Variants in HAL observed in about 807,000 individuals in gnomAD.
HAL encodes histidase.
A neutral mutation model predicts 81.1 loss-of-function variants in HAL; 85 were observed. That is an observed-to-expected ratio of 1.05 (90% CI 0.88 to 1.25). The LOEUF (loss-of-function observed/expected upper bound fraction) is 1.25, where lower values mean the gene tolerates loss of function less well. HAL is among the 50% of genes most tolerant of loss of function. The pLI is 0.00. For synonymous variants in HAL, 301 were observed against 309.2 expected, an observed-to-expected ratio of 0.97 and a Z score of 0.28; for missense variants, 798 against 836.6, an observed-to-expected ratio of 0.95 and a Z score of 0.57.
At chr12:95,983,396 C>CAA (rs35963926) in intron 15 of HAL, among the ~76,000 whole-genome samples, 18 of 147,564 alleles carry the variant, frequency 1.2e-4, no homozygotes, top group African/African-American at 4.2e-4. Flanking sequence ...TAAAAATAAA[C>CAA]AAAAAAAAAA....
chr12:95,976,014 C>T (rs923192657), intron 20 of HAL: 6 of 338,540 alleles, frequency 1.8e-5, no homozygotes, highest in South Asian at 9.8e-5. Context: ...AGTAAACACC[C>T]GGGCCTTGGT....
intron 9 of HAL, 125 bp from the exon 10 acceptor site, chr12:95,990,657 AGAT>A: frequency 1.3e-6 from 1 of 785,758 alleles, no homozygotes; most frequent in Non-Finnish European, 2.3e-6. Context: ...TTTATGGCAT[AGAT>A]ACCTGGGGAA....
At chr12:95,986,921 G>T in intron 12 of HAL, 146 bp downstream of exon 12, 1 of 720,124 alleles carries the variant, frequency 1.4e-6, no homozygotes, top group Non-Finnish European at 2.5e-6. Context: ...AGATGAAGAG[G>T]CAGCACACTG....
chr12:95,992,488 G>C (rs999197265), intron 9 of HAL, among the ~76,000 whole-genome samples, 192 bp downstream of exon 9: 1 of 152,156 alleles, frequency 6.6e-6, no homozygotes, highest in Non-Finnish European at 1.5e-5. Context: ...AAGTTCATAG[G>C]AGTAAGCATC....
At chr12:95,983,670 C>A in intron 15 of HAL, 1 of 561,118 alleles carries the variant, frequency 1.8e-6, no homozygotes, top group South Asian at 2.2e-5. Context: ...TGAATAGGTC[C>A]ATTTTGAAAG....
chr12:95,977,642 C>CAAAAAAAA lies in HAL; in HGVS notation c.1654+294_1654+301dup, dbSNP rs60410496. Among the ~76,000 whole-genome samples, 10 of 99,888 alleles carry CAAAAAAAA rather than the reference C, an allele frequency of 1.0e-4. 1 individual carries two copies. Among genetic ancestry groups the CAAAAAAAA allele is most frequent in the African/African-American group, 3.3e-4 (7 of 21,196 alleles). 65.5% of individuals were successfully genotyped at this position (99,888 alleles called of 152,430 possible). A position where few individuals can be genotyped will look rare whatever the true frequency, so the allele number is the denominator to read the frequency against. On this transcript the variant is annotated intron_variant, in intron 18 of 20. Coordinates refer to ENST00000261208, the MANE Select transcript of HAL (RefSeq NM_002108.4). Reference sequence around the variant, plus strand: ...TGGGTGGCAGATAGAGATCCTGCCTCAAAAAAAAAAAAAAAAAAAGAGAAA... The same window carrying CAAAAAAAA: ...TGGGTGGCAGATAGAGATCCTGCCTCAAAAAAAAAAAAAAAAAAAAAAAAAAAGAGAAA...
chr12:95,993,458 A>G lies in HAL; in HGVS notation c.582T>C (p.His194=). Residue 194 remains histidine (H), a synonymous_variant, in exon 8 of 21, where the codon CAT becomes CAC. Transcript: ENST00000261208. ...CCCAACGTTTTGACTTACCTGAAGA[A>G]TGTGAGCGTACTAAGTTGACCTGAA... ...QELQVNLVRS[H]SSGVGKPLSP... 1 of 1,602,742 alleles carries G rather than the reference A, an allele frequency of 6.2e-7. No individual in the cohort carries two copies. The highest frequency in any genetic ancestry group is 8.6e-7 in the Non-Finnish European group (1 of 1,169,566).
In HAL at chr12:95,977,935, C is replaced by T. The variant is rs1176843685; in HGVS notation, c.1654+9G>A. The T allele has an allele frequency of 6.2e-7, 1 of 1,614,034 alleles. No homozygotes were observed. The highest frequency in any genetic ancestry group is 8.5e-7 in the Non-Finnish European group (1 of 1,179,944). ...GGCAGGCCCGCCACCCCGAACTCATCAGCATTACCTTGCTCCACATGCTCG... is the reference window on the plus strand; with the variant it reads ...GGCAGGCCCGCCACCCCGAACTCATTAGCATTACCTTGCTCCACATGCTCG... On this transcript the variant is annotated intron_variant, in intron 18 of 20. Transcript: ENST00000261208.
intron 14 of HAL, among the ~76,000 whole-genome samples, chr12:95,985,419 C>T (rs927619890): frequency 2.6e-5 from 4 of 151,928 alleles, no homozygotes; most frequent in African/African-American, 4.8e-5. Context: ...CATGGTGAGA[C>T]CCCATCTCTA....
At chr12:95,990,262 A>T (rs1422698443) in intron 10 of HAL, 131 bp downstream of exon 10, 1 of 798,724 alleles carries the variant, frequency 1.3e-6, no homozygotes, top group East Asian at 2.4e-5. Context: ...TCGCTGTCTC[A>T]TCTGTAAAGT....
At position 95,994,840 on chromosome 12, in the gene HAL, A is replaced by G. The variant is rs2136830367; in HGVS notation, c.309-15T>C. The G allele has an allele frequency of 6.2e-7, 1 of 1,613,884 alleles. No homozygotes were observed. The highest frequency in any genetic ancestry group is 8.5e-7 in the Non-Finnish European group (1 of 1,179,796). Reference sequence around the variant, plus strand: ...ACTTGCTGTATCTGTATCCAGGTAAAGGAACATATAGGGTGGTGTGGAAAA... The same window carrying G: ...ACTTGCTGTATCTGTATCCAGGTAAGGGAACATATAGGGTGGTGTGGAAAA... On this transcript the variant is annotated splice_polypyrimidine_tract_variant and intron_variant, in intron 3 of 20. Transcript: ENST00000261208.
rs80092839 is a variant in HAL, at chr12:95,982,202, G to A, written c.1288-1339C>T. On this transcript the variant is annotated intron_variant, in intron 15 of 20. Transcript: ENST00000261208. The stretch of plus-strand genomic sequence containing the variant: ...TATCCAGCATGTGTGATGGGGCTCC[G>A]TATCTGCAACAGAAAATTGAGACAC... Among the ~76,000 whole-genome samples the A allele has an allele frequency of 1.0e-2, 1,522 of 152,256 alleles. 27 individuals carry two copies. The highest frequency in any genetic ancestry group is 0.034 in the African/African-American group (1,405 of 41,546).
rs1431623290 is a variant in HAL, at chr12:95,990,625, C to T, written c.716-93G>A. ...AGTGCCCCCACTGCCCCCGCAAACA[C>T]CCTGCCTCCAATATCTATCACTTTA... On this transcript the variant is annotated intron_variant, in intron 9 of 20. Transcript: ENST00000261208. 5.1e-6 allele frequency: 5 copies of T among 979,848 alleles called. No individual in the cohort carries two copies. In the African/African-American group the frequency reaches 7.9e-5, roughly 16 times the overall value. The allele number at this position is 979,848 out of a possible 1,614,324, so 60.7% of individuals were successfully genotyped here.
chr12:95,990,981 A>G (rs1949963153), intron 9 of HAL, among the ~76,000 whole-genome samples: 1 of 152,182 alleles, frequency 6.6e-6, no homozygotes, highest in Admixed American at 6.5e-5. Context: ...ATGGTGGTGC[A>G]TGCCTGTAGT....
intron 6 of HAL, 38 bp downstream of exon 6, chr12:95,993,888 T>C (rs1393231069): frequency 2.0e-6 from 3 of 1,476,414 alleles, no homozygotes; most frequent in Non-Finnish European, 2.8e-6. Context: ...TTTTTGTTTG[T>C]TTATAAAAAT....
At position 95,981,849 on chromosome 12, in the gene HAL, A is replaced by T. The variant is rs17024935; in HGVS notation, c.1288-986T>A. On this transcript the variant is annotated intron_variant, in intron 15 of 20. Coordinates refer to ENST00000261208, the MANE Select transcript of HAL (RefSeq NM_002108.4). ...CAGATCCTTCTTCCTGGTTCTAAAG[A>T]GCTAATCTTTGCCTCTTGGGCTCAA... Among the ~76,000 whole-genome samples, 14 of 152,308 alleles carry T rather than the reference A, an allele frequency of 9.2e-5. No homozygotes were observed. In the East Asian group the frequency reaches 2.7e-3, roughly 29 times the overall value.
At chr12:95,984,670 G>A (rs1949855474) in intron 14 of HAL, among the ~76,000 whole-genome samples, 1 of 152,214 alleles carries the variant, frequency 6.6e-6, no homozygotes, top group Admixed American at 6.5e-5. Context: ...TGCAAAATGG[G>A]AGAAAGAGTA....
chr12:95,983,034 C>A (rs1415194067), intron 15 of HAL, among the ~76,000 whole-genome samples: 1 of 152,190 alleles, frequency 6.6e-6, no homozygotes, highest in Non-Finnish European at 1.5e-5. Flanking sequence ...ATCAGTTTTA[C>A]TATTTCTTTG....
At chr12:95,986,729 T>C (rs1949893588) in intron 12 of HAL, among the ~76,000 whole-genome samples, 1 of 152,106 alleles carries the variant, frequency 6.6e-6, no homozygotes, top group Non-Finnish European at 1.5e-5. Flanking sequence ...AATTTTCTAG[T>C]CGGGACCAAC....
Sources: gnomAD v4.1 joint callset for allele counts (sites outside exome capture counted in the v4.1 genomes callset) on GRCh38, gnomAD v4.1.1 for gene constraint, MANE v1.5 for transcripts, NCBI Gene and HGNC (gene_info 2026-07-23, HGNC 2026-07-21) for gene names.